Variants in IKZF1 observed in about 807,000 individuals in gnomAD.
The protein encoded by IKZF1 is IKAROS family zinc finger 1, also known as DNA-binding protein Ikaros.
IKZF1 carries 10 observed loss-of-function variants against 51.7 expected under a neutral mutation model. That is an observed-to-expected ratio of 0.19 (90% CI 0.12 to 0.33). The LOEUF (loss-of-function observed/expected upper bound fraction) is 0.33. IKZF1 is among the 10% of genes least tolerant of loss of function. The probability of loss-of-function intolerance (pLI) is 1.00; values close to 1 mark genes in which losing one functional copy is unlikely to be tolerated. For synonymous variants in IKZF1, 280 were observed against 282.3 expected, an observed-to-expected ratio of 0.99 and a Z score of 0.08; for missense variants, 484 against 707.5, an observed-to-expected ratio of 0.68 and a Z score of 3.58.
At chr7:50,358,731 G>A (rs186645860) in intron 3 of IKZF1, among the ~76,000 whole-genome samples, 46 of 152,242 alleles carry the variant, frequency 3.0e-4, no homozygotes, top group East Asian at 5.8e-4. Context: ...TATACAGCAC[G>A]GGGCTTTTTA....
chr7:50,318,490 C>T, intron 1 of IKZF1: 1 of 227,322 alleles, frequency 4.4e-6, no homozygotes. Context: ...GCCCGCATTG[C>T]CCATCTGCCA....
chr7:50,316,420 G>C (rs931330734), intron 1 of IKZF1, among the ~76,000 whole-genome samples: 1 of 152,222 alleles, frequency 6.6e-6, no homozygotes, highest in East Asian at 1.9e-4. Flanking sequence ...TGCTGGGGCA[G>C]GAGTGGTGAT....
At chr7:50,377,074 G>A (rs1230497648) in intron 4 of IKZF1, 12 of 472,200 alleles carry the variant, frequency 2.5e-5, no homozygotes, top group Admixed American at 3.8e-5. Flanking sequence ...TGCTATTATA[G>A]TAACACATAC....
intron 2 of IKZF1, among the ~76,000 whole-genome samples, chr7:50,320,217 A>G (rs1374437232): frequency 6.6e-6 from 1 of 152,228 alleles, no homozygotes; most frequent in Non-Finnish European, 1.5e-5. Context: ...TATATCTTAA[A>G]TATAATTCTC....
chr7:50,399,280 C>T (rs1476667148), intron 7 of IKZF1, among the ~76,000 whole-genome samples: 3 of 152,148 alleles, frequency 2.0e-5, no homozygotes, highest in Non-Finnish European at 4.4e-5. Context: ...CCACTCTCAT[C>T]TCAAGACAGA....
chr7:50,341,909 G>A (rs1799156147), intron 3 of IKZF1, among the ~76,000 whole-genome samples: 1 of 151,914 alleles, frequency 6.6e-6, no homozygotes, highest in African/African-American at 2.4e-5. Flanking sequence ...CATGCAGCTA[G>A]GGGTTACCTA....
At chr7:50,369,882 C>T (rs1025789762) in intron 3 of IKZF1, among the ~76,000 whole-genome samples, 1 of 151,998 alleles carries the variant, frequency 6.6e-6, no homozygotes, top group African/African-American at 2.4e-5. Flanking sequence ...TAATAATATA[C>T]CCTAGTGGGA....
In IKZF1 at chr7:50,377,761, G is replaced by C. The variant is rs1810697061; in HGVS notation, c.421+968G>C. On this transcript the variant is annotated intron_variant, in intron 4 of 7. Transcript: ENST00000331340. Reference sequence around the variant, plus strand: ...ATTGAAGAGAAACTTTTCTTTGCGTGGGAAGCTGTTCTAAAGTTGGGTAAA... The same window carrying C: ...ATTGAAGAGAAACTTTTCTTTGCGTCGGAAGCTGTTCTAAAGTTGGGTAAA... Among the ~76,000 whole-genome samples, 5 of 152,338 alleles carry C rather than the reference G, an allele frequency of 3.3e-5. No homozygotes were observed. The South Asian group carries it at 1.0e-3, about 32-fold the overall frequency.
At chr7:50,342,647 CT>C (rs1270027408) in intron 3 of IKZF1, among the ~76,000 whole-genome samples, 4,527 of 137,382 alleles carry the variant, frequency 0.033, 106 homozygotes, top group South Asian at 0.088. Context: ...GAAGGAAAGG[CT>C]TTTTTTTTTT....
At chr7:50,360,292 C>CGTG (rs1804817768) in intron 3 of IKZF1, among the ~76,000 whole-genome samples, 1 of 152,004 alleles carries the variant, frequency 6.6e-6, no homozygotes, top group South Asian at 2.1e-4. Context: ...AGGGAATGGC[C>CGTG]GTGTCTGTCT....
chr7:50,400,082 G>A lies in IKZF1; in HGVS notation c.1015G>A (p.Glu339Lys), dbSNP rs760454379. 29 of 1,580,342 alleles carry A rather than the reference G, an allele frequency of 1.8e-5. No individual in the cohort carries two copies. Among genetic ancestry groups the A allele is most frequent in the Non-Finnish European group, 2.3e-5 (27 of 1,165,290 alleles). The change falls in exon 8 of 8, where the codon GAG becomes AAG. Residue 339 changes from glutamate (E) to lysine (K), a missense_variant. Physicochemically the swap from Glu to Lys is moderately conservative, Grantham distance 56 (BLOSUM62 1). Transcript: ENST00000331340. The surrounding 1 kb of genome is among the most constrained non-coding windows in gnomAD (Gnocchi z 5.4). ...GGTGCAGACGCCCCCGGGCGGTTCC[G>A]AGGTGGTCCCGGTCATCAGCCCGAT... is the stretch of plus-strand genomic sequence containing the variant. ...PLVQTPPGGS[E>K]VVPVISPMYQ...
intron 7 of IKZF1, among the ~76,000 whole-genome samples, chr7:50,397,413 A>AT (rs1011424386): frequency 6.6e-6 from 1 of 152,110 alleles, no homozygotes; most frequent in Non-Finnish European, 1.5e-5. Flanking sequence ...ATATATGTTG[A>AT]TTTTTTTCCT....
chr7:50,382,785 G>A lies in IKZF1; in HGVS notation c.589+78G>A, dbSNP rs78828334. On this transcript the variant is annotated intron_variant, in intron 5 of 7. Coordinates refer to ENST00000331340, the MANE Select transcript of IKZF1 (RefSeq NM_006060.6). Reference sequence around the variant, plus strand: ...ACTCTGCCCGCCTGGGTCCCGGATTGTGTCCTTGCTGGCTAACCCTGAGTC... The same window carrying A: ...ACTCTGCCCGCCTGGGTCCCGGATTATGTCCTTGCTGGCTAACCCTGAGTC... 658 of 1,488,850 alleles carry A rather than the reference G, an allele frequency of 4.4e-4. 5 individuals carry two copies. The African/African-American group carries it at 8.1e-3, about 18-fold the overall frequency. 92.2% of individuals were successfully genotyped at this position (1,488,850 alleles called of 1,614,324 possible). A position where few individuals can be genotyped will look rare whatever the true frequency, so the allele number is the denominator to read the frequency against.
At chr7:50,342,328 A>G (rs1799243352) in intron 3 of IKZF1, among the ~76,000 whole-genome samples, 1 of 152,264 alleles carries the variant, frequency 6.6e-6, no homozygotes, top group Non-Finnish European at 1.5e-5. Flanking sequence ...TAAGTAGCTG[A>G]ATTAAATGTA....
intron 4 of IKZF1, among the ~76,000 whole-genome samples, chr7:50,381,366 A>C (rs116274387): frequency 0.011 from 1,699 of 152,364 alleles, 36 homozygotes; most frequent in African/African-American, 0.039. Flanking sequence ...AATTGTGGTC[A>C]CATAGCATTC....
chr7:50,384,761 G>A (rs1039828950), intron 5 of IKZF1, among the ~76,000 whole-genome samples: 4 of 152,236 alleles, frequency 2.6e-5, no homozygotes, highest in African/African-American at 9.6e-5. Context: ...TTGTTTCTAA[G>A]GAGCCATGTA....
intron 3 of IKZF1, chr7:50,369,760 A>G (rs756212361): frequency 2.5e-6 from 1 of 394,300 alleles, no homozygotes; most frequent in Non-Finnish European, 4.5e-6. Context: ...GAAAATGCCT[A>G]TTGCTCTTTT....
intron 3 of IKZF1, among the ~76,000 whole-genome samples, chr7:50,337,630 TTGAA>T (rs1419637673): frequency 2.0e-5 from 3 of 152,182 alleles, no homozygotes; most frequent in Non-Finnish European, 4.4e-5. Flanking sequence ...TACATTGGTA[TTGAA>T]TGAATGAATG....
In IKZF1 at chr7:50,387,367, A is replaced by T; in HGVS notation, c.612A>T (p.Gly204=). 1.2e-6 allele frequency: 2 copies of T among 1,613,712 alleles called. No individual in the cohort carries two copies. The highest frequency in any genetic ancestry group is 1.3e-5 in the African/African-American group (1 of 75,034). ...THSVGKPHKC[G]YCGRSYKQRS... ...CAGTTGGTAAACCTCACAAATGTGGATATTGTGGCCGAAGCTATAAACAGC... is the reference window on the plus strand; with the variant it reads ...CAGTTGGTAAACCTCACAAATGTGGTTATTGTGGCCGAAGCTATAAACAGC... The change falls in exon 6 of 8, where the codon GGA becomes GGT. Residue 204 remains glycine, a synonymous_variant. Transcript: ENST00000331340.
Sources: allele counts gnomAD v4.1 joint callset (sites outside exome capture counted in the v4.1 genomes callset), GRCh38; gene constraint gnomAD v4.1.1; non-coding constraint Gnocchi (gnomAD v3.1); transcripts MANE v1.5; gene names NCBI Gene and HGNC (gene_info 2026-07-23, HGNC 2026-07-21).